GHR: variants seen among roughly 807,000 people sequenced by gnomAD.
GHR encodes growth hormone receptor.
Under a neutral mutation model 67.1 loss-of-function variants are expected in GHR, and 35 were observed. The ratio of observed to expected loss-of-function variants is 0.52; its 90% CI spans 0.40 to 0.69. The LOEUF is 0.69. Among genes scored for constraint, GHR ranks in the 30% least tolerant of loss-of-function variants. The pLI, the probability that GHR is intolerant of heterozygous loss-of-function variation, is 0.00. For synonymous variants in GHR, 272 were observed against 269.1 expected, an observed-to-expected ratio of 1.01 and a Z score of -0.10; for missense variants, 792 against 764.6, an observed-to-expected ratio of 1.04 and a Z score of -0.42.
intron 3 of GHR, among the ~76,000 whole-genome samples, chr5:42,681,206 C>T (rs565055423): frequency 1.3e-5 from 2 of 151,472 alleles, no homozygotes; most frequent in East Asian, 3.9e-4. Context: ...TTTTGCAATC[C>T]GCCCATCTGA....
intron 1 of GHR, among the ~76,000 whole-genome samples, chr5:42,436,405 C>G (rs1223272802): frequency 1.3e-5 from 2 of 152,138 alleles, no homozygotes; most frequent in East Asian, 3.9e-4. Context: ...CTACAGCAGA[C>G]CTGGATGCAT....
At chr5:42,627,935 G>A (rs2112740113) in intron 2 of GHR, among the ~76,000 whole-genome samples, 1 of 152,328 alleles carries the variant, frequency 6.6e-6, no homozygotes, top group Admixed American at 6.5e-5. Flanking sequence ...ATGAGTGCAA[G>A]GTTTTATTGA....
At chr5:42,701,898 CCATT>C (rs1007056376) in intron 6 of GHR, among the ~76,000 whole-genome samples, 3 of 151,714 alleles carry the variant, frequency 2.0e-5, no homozygotes, top group African/African-American at 7.3e-5. Context: ...GGGAAATGAT[CCATT>C]CAAAGTACTA....
At chr5:42,644,639 T>C (rs1754638677) in intron 3 of GHR, among the ~76,000 whole-genome samples, 1 of 152,090 alleles carries the variant, frequency 6.6e-6, no homozygotes. Context: ...AGATATGATG[T>C]TGGTATGTTT....
chr5:42,547,520 A>ATACCTTTTAGTTACTAAATTTACTAAAT (rs1748794155), intron 1 of GHR, among the ~76,000 whole-genome samples: 1 of 152,164 alleles, frequency 6.6e-6, no homozygotes, highest in Admixed American at 6.5e-5. Context: ...CTAAATGTTT[A>ATACCTTTTAGTTACTAAATTTACTAAAT]GTATTTTATA....
chr5:42,562,634 G>A (rs2112462790), intron 1 of GHR, among the ~76,000 whole-genome samples: 1 of 139,074 alleles, frequency 7.2e-6, no homozygotes. Flanking sequence ...TAAAGGAAGT[G>A]TTATAGTTCC....
intron 1 of GHR, among the ~76,000 whole-genome samples, chr5:42,527,403 G>T (rs756012400): frequency 1.3e-5 from 2 of 152,036 alleles, no homozygotes; most frequent in Non-Finnish European, 2.9e-5. Flanking sequence ...AAAAAGCAGG[G>T]GTTGCAATCC....
intron 1 of GHR, among the ~76,000 whole-genome samples, chr5:42,510,853 C>T (rs1039458615): frequency 6.6e-6 from 1 of 152,302 alleles, no homozygotes; most frequent in African/African-American, 2.4e-5. Flanking sequence ...TGGGAGACAC[C>T]TCTGGGTGCA....
chr5:42,463,849 C>T (rs368861353), intron 1 of GHR, among the ~76,000 whole-genome samples: 1 of 150,290 alleles, frequency 6.7e-6, no homozygotes, highest in Non-Finnish European at 1.5e-5. Flanking sequence ...AAAAATTAGC[C>T]GGGCGTAGTG....
Position 42,720,642 on chromosome 5 carries a change from A to T in GHR, c.*1218A>T, listed in dbSNP as rs1295802003. On this transcript the variant is annotated 3_prime_UTR_variant, in exon 10 of 10. Transcript: ENST00000230882. ...TGTTTCACAGCCTATAACCAGACAC[A>T]TACTCATTTTTCATGATAATGAACA... 3 of 152,228 alleles carry T rather than the reference A, an allele frequency of 2.0e-5. No individual in the cohort carries two copies. The highest frequency in any genetic ancestry group is 4.4e-5 in the Non-Finnish European group (3 of 68,038). 9.4% of individuals were successfully genotyped at this position (152,228 alleles called of 1,614,324 possible). A position where few individuals can be genotyped will look rare whatever the true frequency, so the allele number is the denominator to read the frequency against.
At chr5:42,650,576 A>ACATATATAT (rs1238563261) in intron 3 of GHR, among the ~76,000 whole-genome samples, 1 of 53,412 alleles carries the variant, frequency 1.9e-5, no homozygotes, top group African/African-American at 7.8e-5. Flanking sequence ...TTTTACAGAT[A>ACATATATAT]ACATATATAT....
At position 42,534,308 on chromosome 5, in the gene GHR, A is replaced by G. The variant is rs566335319; in HGVS notation, c.-11-31556A>G. Among the ~76,000 whole-genome samples, 38 of 138,434 alleles carry G rather than the reference A, an allele frequency of 2.7e-4. 1 individual carries two copies. The East Asian group carries it at 4.7e-3, about 17-fold the overall frequency. The allele number at this position is 138,434 out of a possible 152,430, so 90.8% of individuals were successfully genotyped here. A position where few individuals can be genotyped will look rare whatever the true frequency, so the allele number is the denominator to read the frequency against. On this transcript the variant is annotated intron_variant, in intron 1 of 9. Transcript: ENST00000230882. ...TATGTACATGTGTATATGTGTATAT[A>G]TGTATGTATATATGTACATGTGTAT...
intron 7 of GHR, 56 bp from the exon 8 acceptor site, chr5:42,713,373 A>G: frequency 1.2e-6 from 1 of 824,092 alleles, no homozygotes; most frequent in South Asian, 1.3e-5. Context: ...AGGGAAATGT[A>G]AACTGTGCTT....
chr5:42,650,094 C>A (rs546899616), intron 3 of GHR, among the ~76,000 whole-genome samples: 2 of 151,966 alleles, frequency 1.3e-5, no homozygotes, highest in Non-Finnish European at 2.9e-5. Flanking sequence ...AGGGAAGGGT[C>A]GTGGGTGACG....
At chr5:42,673,816 T>A (rs1756435825) in intron 3 of GHR, among the ~76,000 whole-genome samples, 1 of 152,138 alleles carries the variant, frequency 6.6e-6, no homozygotes, top group South Asian at 2.1e-4. Context: ...AACTATTAGG[T>A]ACTATGCTCA....
chr5:42,560,611 A>G (rs1398230336), intron 1 of GHR, among the ~76,000 whole-genome samples: 1 of 152,166 alleles, frequency 6.6e-6, no homozygotes, highest in Non-Finnish European at 1.5e-5. Flanking sequence ...TCTCACCTCC[A>G]GTAATGACCT....
At chr5:42,674,118 G>A (rs1197461885) in intron 3 of GHR, among the ~76,000 whole-genome samples, 5 of 152,082 alleles carry the variant, frequency 3.3e-5, no homozygotes, top group Non-Finnish European at 5.9e-5. Flanking sequence ...AAGTGCTTCA[G>A]CTAAGTTTCA....
chr5:42,672,886 C>A (rs1245543182), intron 3 of GHR, among the ~76,000 whole-genome samples: 1 of 152,070 alleles, frequency 6.6e-6, no homozygotes, highest in Non-Finnish European at 1.5e-5. Context: ...ACTGAGTTCT[C>A]AAAAGCAATT....
At chr5:42,479,511 G>T (rs1196823508) in intron 1 of GHR, among the ~76,000 whole-genome samples, 4 of 152,132 alleles carry the variant, frequency 2.6e-5, no homozygotes, top group Non-Finnish European at 1.5e-5. Flanking sequence ...AATCCATCTG[G>T]TCCTGGACTT....
Sources: allele counts gnomAD v4.1 joint callset (sites outside exome capture counted in the v4.1 genomes callset), GRCh38; gene constraint gnomAD v4.1.1; transcripts MANE v1.5; gene names NCBI Gene and HGNC (gene_info 2026-07-23, HGNC 2026-07-21).